GRIN2B: variants seen among roughly 807,000 people sequenced by gnomAD.
GRIN2B encodes glutamate receptor ionotropic, NMDA 2B.
A neutral mutation model predicts 114.5 loss-of-function variants in GRIN2B; 5 were observed. That is an observed-to-expected ratio of 0.04 (90% CI 0.02 to 0.09). The LOEUF (loss-of-function observed/expected upper bound fraction) is 0.09, where lower values mean the gene tolerates loss of function less well. Ranked by LOEUF, GRIN2B falls within the 10% of genes least tolerant of loss-of-function variation. GRIN2B has a pLI of 1.00. For missense variants in GRIN2B, 1,108 were observed against 1,943.5 expected (o/e 0.57, Z 8.08); for synonymous variants, 787 against 745.1 (o/e 1.06, Z -0.92).
At chr12:13,980,910 C>T (rs1591652168) in intron 1 of GRIN2B, among the ~76,000 whole-genome samples, 1 of 152,020 alleles carries the variant, frequency 6.6e-6, no homozygotes, top group African/African-American at 2.4e-5. Context: ...GCACACACGC[C>T]CCCGACGCGC....
Position 13,949,497 on chromosome 12 carries a change from T to G in GRIN2B, c.-19+30431A>C, listed in dbSNP as rs192754481. ...AGGGCCTCCTGGAATCCTTTAAGTG[T>G]GGAAGCTGCCGTGGCATTCGGCAAT... On this transcript the variant is annotated intron_variant, in intron 2 of 13. Coordinates refer to ENST00000609686, the MANE Select transcript of GRIN2B (RefSeq NM_000834.5). Among the ~76,000 whole-genome samples the G allele has an allele frequency of 2.6e-3, 401 of 152,190 alleles. 1 individual carries two copies. The highest frequency in any genetic ancestry group is 6.8e-3 in the Middle Eastern group (2 of 294).
intron 3 of GRIN2B, among the ~76,000 whole-genome samples, chr12:13,858,754 C>T (rs1865704823): frequency 6.6e-6 from 1 of 152,094 alleles, no homozygotes; most frequent in African/African-American, 2.4e-5. Flanking sequence ...AGAAAATGAT[C>T]TTGACTTGTC....
At position 13,563,377 on chromosome 12, in the gene GRIN2B, ATTAGTCGGGCTCTGAGGGT is replaced by A; in HGVS notation, c.3842_3860del (p.Tyr1281PhefsTer36). The A allele has an allele frequency of 6.2e-7, 1 of 1,614,140 alleles. No individual in the cohort carries two copies. Among genetic ancestry groups the A allele is most frequent in the Non-Finnish European group, 8.5e-7 (1 of 1,180,024 alleles). ...TCCGGTTCTTCTTCTGGGCCTTGGA[ATTAGTCGGGCTCTGAGGGT>A]ACTTAGTGGTGGAGGCGTTTGACGT... On this transcript the variant is annotated frameshift_variant, in exon 14 of 14. Transcript: ENST00000609686. LOFTEE classifies it high-confidence loss of function.
chr12:13,951,464 C>T (rs953482945), intron 2 of GRIN2B, among the ~76,000 whole-genome samples: 1 of 152,168 alleles, frequency 6.6e-6, no homozygotes, highest in African/African-American at 2.4e-5. Context: ...GAAGTCCCCT[C>T]GGGCAAATTA....
At chr12:13,918,824 G>A (rs1365184226) in intron 2 of GRIN2B, among the ~76,000 whole-genome samples, 1 of 152,176 alleles carries the variant, frequency 6.6e-6, no homozygotes, top group African/African-American at 2.4e-5. Flanking sequence ...GCTGAAAATG[G>A]ATTTCTTAGT....
chr12:13,826,084 C>T (rs1865030752), intron 3 of GRIN2B, among the ~76,000 whole-genome samples: 1 of 151,578 alleles, frequency 6.6e-6, no homozygotes, highest in Non-Finnish European at 1.5e-5. Context: ...GTATTACTTC[C>T]ACCATTATTA....
intron 3 of GRIN2B, among the ~76,000 whole-genome samples, chr12:13,813,738 A>G (rs1446278906): frequency 1.3e-5 from 2 of 152,228 alleles, no homozygotes; most frequent in Non-Finnish European, 2.9e-5. Flanking sequence ...GATATAGGCT[A>G]AAAGTAGTGA....
intron 2 of GRIN2B, among the ~76,000 whole-genome samples, chr12:13,968,169 C>T (rs1321492271): frequency 6.6e-6 from 1 of 152,202 alleles, no homozygotes; most frequent in Non-Finnish European, 1.5e-5. Flanking sequence ...TACCTTGCCA[C>T]TCACGGCATG....
rs112932810 is a variant in GRIN2B, at chr12:13,563,137, G to A, written c.4101C>T (p.Pro1367=). ...PTAGHHHHNN[P]GGGYMLSKSL... is the part of the protein sequence containing the mutation. Reference sequence around the variant, plus strand: ...ACTTGCTGAGCATGTACCCGCCGCCGGGGTTGTTGTGGTGGTGATGTCCGG... The same window carrying A: ...ACTTGCTGAGCATGTACCCGCCGCCAGGGTTGTTGTGGTGGTGATGTCCGG... Residue 1367 remains proline, a synonymous_variant, in exon 14 of 14, where the codon CCC becomes CCT. Coordinates refer to ENST00000609686, the MANE Select transcript of GRIN2B (RefSeq NM_000834.5). 9.4e-5 allele frequency: 151 copies of A among 1,614,200 alleles called. 1 individual carries two copies. In the African/African-American group the frequency reaches 1.7e-3, roughly 18 times the overall value.
chr12:13,688,439 C>T (rs896023267), intron 4 of GRIN2B, among the ~76,000 whole-genome samples: 1 of 152,072 alleles, frequency 6.6e-6, no homozygotes, highest in Non-Finnish European at 1.5e-5. Flanking sequence ...TGGTAAGGAG[C>T]TATGTTCATA....
Position 13,763,639 on chromosome 12 carries a change from A to C in GRIN2B, c.412-9724T>G, listed in dbSNP as rs567472258. Among the ~76,000 whole-genome samples the C allele has an allele frequency of 2.6e-5, 4 of 151,666 alleles. No individual in the cohort carries two copies. In the South Asian group the frequency reaches 8.4e-4, roughly 32 times the overall value. ...TTGCCTTTTTCCATTACTTTGTCAA[A>C]CTCCTGCACACCCACACTAGCCTGA... On this transcript the variant is annotated intron_variant, in intron 3 of 13. Transcript: ENST00000609686.
intron 3 of GRIN2B, among the ~76,000 whole-genome samples, chr12:13,859,043 A>G (rs76810849): frequency 0.023 from 3,453 of 152,332 alleles, 127 homozygotes; most frequent in African/African-American, 0.079. Flanking sequence ...ACTAAGCACC[A>G]ACTGTCTACC....
chr12:13,751,613 G>A (rs1863485000), intron 4 of GRIN2B, among the ~76,000 whole-genome samples: 1 of 152,182 alleles, frequency 6.6e-6, no homozygotes, highest in South Asian at 2.1e-4. Flanking sequence ...TTGACAGGCA[G>A]TGCAGATTTG....
At chr12:13,796,272 T>C (rs545942423) in intron 3 of GRIN2B, among the ~76,000 whole-genome samples, 22 of 152,090 alleles carry the variant, frequency 1.4e-4, no homozygotes, top group African/African-American at 5.1e-4. Flanking sequence ...ACTTGACCAA[T>C]TGCAGACCCA....
intron 4 of GRIN2B, among the ~76,000 whole-genome samples, chr12:13,704,373 A>T (rs2136572252): frequency 6.6e-6 from 1 of 152,306 alleles, no homozygotes; most frequent in South Asian, 2.1e-4. Context: ...TGTGAAACAC[A>T]CTGCTTGAAT....
intron 4 of GRIN2B, among the ~76,000 whole-genome samples, chr12:13,703,969 A>G (rs764262122): frequency 5.3e-4 from 81 of 152,330 alleles, no homozygotes; most frequent in Non-Finnish European, 9.0e-4. Context: ...TGTCTCTGTC[A>G]TCAAAAGAGA....
chr12:13,685,933 A>G (rs778678243), intron 4 of GRIN2B, among the ~76,000 whole-genome samples: 1 of 152,176 alleles, frequency 6.6e-6, no homozygotes, highest in Non-Finnish European at 1.5e-5. Context: ...AGTCTCTAAC[A>G]GTAGGGTTGG....
At chr12:13,955,612 C>A (rs910305047) in intron 2 of GRIN2B, among the ~76,000 whole-genome samples, 4 of 152,136 alleles carry the variant, frequency 2.6e-5, no homozygotes, top group African/African-American at 9.7e-5. Context: ...GTTATGCATC[C>A]AAATAATTTT....
At chr12:13,616,215 G>A (rs1327259137) in intron 6 of GRIN2B, among the ~76,000 whole-genome samples, 1 of 152,148 alleles carries the variant, frequency 6.6e-6, no homozygotes, top group Non-Finnish European at 1.5e-5. Context: ...AATCATTAAG[G>A]CCAAGCAAGA....
Sources: allele counts gnomAD v4.1 joint callset (sites outside exome capture counted in the v4.1 genomes callset), GRCh38; gene constraint gnomAD v4.1.1; transcripts MANE v1.5; gene names NCBI Gene and HGNC (gene_info 2026-07-23, HGNC 2026-07-21).